Variants in PBX1 observed in about 807,000 individuals in gnomAD.
The protein encoded by PBX1 is PBX homeobox 1.
In PBX1, 6 loss-of-function variants were observed where a neutral mutation model predicts 53.4. That is an observed-to-expected ratio of 0.11 (90% CI 0.06 to 0.22). The LOEUF is 0.22. Ranked by LOEUF, PBX1 falls within the 10% of genes least tolerant of loss-of-function variation. The pLI, the probability that PBX1 is intolerant of heterozygous loss-of-function variation, is 1.00. For synonymous variants in PBX1, 204 were observed against 212.3 expected (o/e 0.96, Z 0.34); for missense variants, 251 against 551.4 (o/e 0.46, Z 5.46).
chr1:164,612,701 C>G (rs1475966214), intron 2 of PBX1, among the ~76,000 whole-genome samples: 1 of 152,012 alleles, frequency 6.6e-6, no homozygotes, highest in African/African-American at 2.4e-5. Flanking sequence ...CTGCCCTAGG[C>G]GGAGGAAGAG....
chr1:164,750,562 C>T (rs1571335179), intron 2 of PBX1, among the ~76,000 whole-genome samples: 1 of 152,278 alleles, frequency 6.6e-6, no homozygotes, highest in African/African-American at 2.4e-5. Flanking sequence ...TGAAATTTAT[C>T]TGAAACATTC....
chr1:164,717,459 C>T (rs1421395887), intron 2 of PBX1, among the ~76,000 whole-genome samples: 11 of 152,068 alleles, frequency 7.2e-5, no homozygotes, highest in Non-Finnish European at 1.5e-4. Flanking sequence ...CCTTCCCCTC[C>T]CAGACTGAGC....
At chr1:164,787,994 A>G (rs1177454066) in intron 2 of PBX1, among the ~76,000 whole-genome samples, 4 of 152,158 alleles carry the variant, frequency 2.6e-5, no homozygotes, top group Admixed American at 2.0e-4. Flanking sequence ...CCTGGCCATT[A>G]AAACCCTATA....
chr1:164,833,938 C>G (rs1670894140), intron 8 of PBX1, among the ~76,000 whole-genome samples: 1 of 149,362 alleles, frequency 6.7e-6, no homozygotes. Context: ...TCTTTTACCT[C>G]CAACTTATTT....
At chr1:164,569,192 T>C (rs1653655542) in intron 2 of PBX1, among the ~76,000 whole-genome samples, 1 of 152,238 alleles carries the variant, frequency 6.6e-6, no homozygotes, top group South Asian at 2.1e-4. Context: ...GTTAAGGACC[T>C]GGTCTTTAAA....
chr1:164,704,320 G>T (rs1269706150), intron 2 of PBX1, among the ~76,000 whole-genome samples: 1 of 152,260 alleles, frequency 6.6e-6, no homozygotes, highest in African/African-American at 2.4e-5. Flanking sequence ...GCAGAAAGGG[G>T]AACAATTTCT....
At chr1:164,852,097 C>T (rs1019999330), downstream of PBX1, among the ~76,000 whole-genome samples, 5 of 152,148 alleles carry the variant, frequency 3.3e-5, no homozygotes, top group Admixed American at 1.3e-4. Flanking sequence ...TACTGGCAGC[C>T]ATCCACCAAG....
chr1:164,831,953 A>G (rs1670789236), intron 8 of PBX1, among the ~76,000 whole-genome samples: 1 of 152,216 alleles, frequency 6.6e-6, no homozygotes, highest in Admixed American at 6.5e-5. Context: ...ATGTTCTGAT[A>G]TGGTGAGCCT....
chr1:164,874,574 A>G (rs1672460681), intron 2 of PBX1, among the ~76,000 whole-genome samples: 1 of 152,120 alleles, frequency 6.6e-6, no homozygotes, highest in Admixed American at 6.5e-5. Flanking sequence ...GACTCACTGC[A>G]ATCTCCGCCT....
chr1:164,836,206 A>C (rs1047886156), intron 8 of PBX1, among the ~76,000 whole-genome samples: 1 of 152,104 alleles, frequency 6.6e-6, no homozygotes, highest in African/African-American at 2.4e-5. Flanking sequence ...TTCTTTTACT[A>C]TCTGTAAGAT....
intron 8 of PBX1, among the ~76,000 whole-genome samples, chr1:164,845,517 G>A (rs1671527626): frequency 6.6e-6 from 1 of 152,160 alleles, no homozygotes; most frequent in Non-Finnish European, 1.5e-5. Flanking sequence ...CACAGTAATC[G>A]AAGGGGGGAA....
rs1128595 is a variant in PBX1, at chr1:164,848,275, C to A, written c.*1599C>A. 1 of 1,056,140 alleles carries A rather than the reference C, an allele frequency of 9.5e-7. No homozygotes were observed. Among genetic ancestry groups the A allele is most frequent in the East Asian group, 5.3e-5 (1 of 18,940 alleles). The allele number at this position is 1,056,140 out of a possible 1,614,324, so 65.4% of individuals were successfully genotyped here. ...CTGAGCTCACCATCTTCATAGCCAACCCTACCAGTTATAAAGATGGCAGCT... is the reference window on the plus strand; with the variant it reads ...CTGAGCTCACCATCTTCATAGCCAAACCTACCAGTTATAAAGATGGCAGCT... On this transcript the variant is annotated 3_prime_UTR_variant, in exon 9 of 9. Coordinates refer to ENST00000420696, the MANE Select transcript of PBX1 (RefSeq NM_002585.4).
intron 2 of PBX1, among the ~76,000 whole-genome samples, chr1:164,648,848 GC>G (rs1659618472): frequency 6.6e-6 from 1 of 152,208 alleles, no homozygotes; most frequent in Non-Finnish European, 1.5e-5. Context: ...CAGAGCAGGG[GC>G]CTCTAGCCCC....
At chr1:164,647,747 C>G (rs1372595667) in intron 2 of PBX1, among the ~76,000 whole-genome samples, 9 of 151,776 alleles carry the variant, frequency 5.9e-5, no homozygotes, top group Admixed American at 3.3e-4. Flanking sequence ...GGGATCTACC[C>G]TGGAATGATG....
intron 8 of PBX1, among the ~76,000 whole-genome samples, chr1:164,840,899 C>T (rs1671256695): frequency 6.6e-6 from 1 of 152,084 alleles, no homozygotes; most frequent in Admixed American, 6.5e-5. Flanking sequence ...GATCTCATGC[C>T]ATATGTCTCT....
chr1:164,634,955 T>G (rs1658652191), intron 2 of PBX1, among the ~76,000 whole-genome samples: 1 of 152,052 alleles, frequency 6.6e-6, no homozygotes. Flanking sequence ...AGGGGCCATG[T>G]TGCCTGCCTG....
intron 8 of PBX1, among the ~76,000 whole-genome samples, chr1:164,828,048 T>G (rs1670555372): frequency 6.6e-6 from 1 of 152,180 alleles, no homozygotes; most frequent in Non-Finnish European, 1.5e-5. Flanking sequence ...AATTAAATTA[T>G]ATGACAGAAG....
intron 8 of PBX1, among the ~76,000 whole-genome samples, chr1:164,837,600 G>A (rs1226133632): frequency 1.3e-5 from 2 of 152,162 alleles, no homozygotes. Context: ...CAGCTGTGCA[G>A]GCAGAGGTTA....
chr1:164,570,547 T>G (rs1653772656), intron 2 of PBX1, among the ~76,000 whole-genome samples: 1 of 152,224 alleles, frequency 6.6e-6, no homozygotes, highest in Non-Finnish European at 1.5e-5. Context: ...CTCATCCTTT[T>G]TATGGCTCCA....
Sources: allele counts gnomAD v4.1 joint callset (sites outside exome capture counted in the v4.1 genomes callset), GRCh38; gene constraint gnomAD v4.1.1; transcripts MANE v1.5; gene names NCBI Gene and HGNC (gene_info 2026-07-23, HGNC 2026-07-21).